USP7: variants seen among roughly 807,000 people sequenced by gnomAD.
USP7 encodes ubiquitin specific peptidase 7, also known as ubiquitin C-terminal hydrolase 7.
Under a neutral mutation model 162.9 loss-of-function variants are expected in USP7, and 9 were observed. The observed-to-expected ratio is 0.06, with a 90% confidence interval of 0.03 to 0.10. The LOEUF (loss-of-function observed/expected upper bound fraction) is 0.10. Among genes scored for constraint, USP7 ranks in the 10% least tolerant of loss-of-function variants. USP7 has a pLI of 1.00. For missense variants in USP7, 715 were observed against 1,373.7 expected (o/e 0.52, Z 7.58); for synonymous variants, 562 against 475.9 (o/e 1.18, Z -2.35).
chr16:8,905,447 A>C, intron 13 of USP7, 116 bp from the exon 14 acceptor site: 6 of 1,299,870 alleles, frequency 4.6e-6, no homozygotes, highest in Non-Finnish European at 6.5e-6. Flanking sequence ...TAGTTGAAAA[A>C]ATATCCATGT....
chr16:8,949,979 G>C (rs1899475916), intron 1 of USP7, among the ~76,000 whole-genome samples: 1 of 152,244 alleles, frequency 6.6e-6, no homozygotes, highest in African/African-American at 2.4e-5. Flanking sequence ...CACAGGCTCT[G>C]TCTAAACAGC....
rs914745296 is a variant in USP7 at position 8,899,041 on chromosome 16, A to T, written c.2531+80T>A. On this transcript the variant is annotated intron_variant, in intron 23 of 30. Coordinates refer to ENST00000344836, the MANE Select transcript of USP7 (RefSeq NM_003470.3). ...CAGGTGAAATGGCGAGCTAATTATTAAAATTAGTTCCAAGATGTTTCAATG... is the reference window on the plus strand; with the variant it reads ...CAGGTGAAATGGCGAGCTAATTATTTAAATTAGTTCCAAGATGTTTCAATG... 4.4e-5 allele frequency: 64 copies of T among 1,465,530 alleles called. No homozygotes were observed. In the Admixed American group the frequency reaches 5.4e-4, roughly 12 times the overall value. The allele number at this position is 1,465,530 out of a possible 1,614,324, so 90.8% of individuals were successfully genotyped here.
intron 11 of USP7, among the ~76,000 whole-genome samples, 158 bp from the exon 12 acceptor site, chr16:8,908,608 T>C (rs562399169): frequency 6.6e-6 from 1 of 152,358 alleles, no homozygotes; most frequent in East Asian, 1.9e-4. Flanking sequence ...TTGAAATGTT[T>C]TCTTTAGGTC....
At chr16:8,960,485 A>G (rs889949929) in intron 1 of USP7, among the ~76,000 whole-genome samples, 1 of 152,222 alleles carries the variant, frequency 6.6e-6, no homozygotes, top group Non-Finnish European at 1.5e-5. Flanking sequence ...CTATTGATAG[A>G]GACAAAACAA....
At chr16:8,962,969 C>A in intron 1 of USP7, 1 of 227,944 alleles carries the variant, frequency 4.4e-6, no homozygotes, top group Non-Finnish European at 8.4e-6. Flanking sequence ...GCCGCGGAGG[C>A]CCGGCGGACG....
chr16:8,942,159 G>A (rs895687237), intron 1 of USP7, among the ~76,000 whole-genome samples: 1 of 152,254 alleles, frequency 6.6e-6, no homozygotes, highest in Non-Finnish European at 1.5e-5. Flanking sequence ...GGGCCTTGAA[G>A]GCCACGATAA....
chr16:8,898,699 T>C, intron 23 of USP7, 60 bp from the exon 24 acceptor site: 2 of 1,381,868 alleles, frequency 1.4e-6, no homozygotes, highest in Non-Finnish European at 2.0e-6. Flanking sequence ...AACAAATATC[T>C]GTGAGTGAGC....
chr16:8,940,635 A>G (rs1898998693), intron 1 of USP7, among the ~76,000 whole-genome samples: 1 of 152,122 alleles, frequency 6.6e-6, no homozygotes, highest in Non-Finnish European at 1.5e-5. Flanking sequence ...GGCAGCCAAA[A>G]AAGACGGAGT....
At chr16:8,930,752 T>A (rs993262384) in intron 1 of USP7, among the ~76,000 whole-genome samples, 1 of 152,190 alleles carries the variant, frequency 6.6e-6, no homozygotes, top group Non-Finnish European at 1.5e-5. Flanking sequence ...ACAGATCACC[T>A]GAGGCCAGGA....
chr16:8,928,484 A>G (rs1045180114), intron 2 of USP7, among the ~76,000 whole-genome samples: 4 of 152,194 alleles, frequency 2.6e-5, no homozygotes, highest in Non-Finnish European at 4.4e-5. Context: ...CACATATCCA[A>G]CTTCCTAGAA....
chr16:8,922,480 C>T (rs977868863), intron 3 of USP7, among the ~76,000 whole-genome samples: 3 of 152,178 alleles, frequency 2.0e-5, no homozygotes, highest in African/African-American at 4.8e-5. Flanking sequence ...GAGTGAGACT[C>T]TGTAAATTTT....
intron 1 of USP7, among the ~76,000 whole-genome samples, chr16:8,937,402 C>T (rs921013785): frequency 2.6e-5 from 4 of 152,126 alleles, no homozygotes; most frequent in African/African-American, 7.2e-5. Flanking sequence ...ATTAGCCAGA[C>T]GTGGTGGCGC....
At chr16:8,939,968 C>G (rs1356534974) in intron 1 of USP7, among the ~76,000 whole-genome samples, 2 of 152,140 alleles carry the variant, frequency 1.3e-5, no homozygotes, top group Non-Finnish European at 2.9e-5. Context: ...CATGGTGGCA[C>G]ATGCCTGTAA....
At chr16:8,905,045 A>T in intron 14 of USP7, 142 bp downstream of exon 14, 1 of 988,764 alleles carries the variant, frequency 1.0e-6, no homozygotes, top group Admixed American at 2.1e-5. Flanking sequence ...GCGCAAGCCC[A>T]ACCCTGCTCA....
Position 8,961,973 on chromosome 16 carries a change from T to C in USP7, c.79+1234A>G, listed in dbSNP as rs149737412. Among the ~76,000 whole-genome samples, 278 of 152,318 alleles carry C rather than the reference T, an allele frequency of 1.8e-3. 2 individuals are homozygous for C. The highest frequency in any genetic ancestry group is 6.5e-3 in the African/African-American group (270 of 41,576). ...TGCCTACTGCAGAATCCCAGCCACTTTGTCATTTGCAACCTGGCCAGCCAT... is the reference window on the plus strand; with the variant it reads ...TGCCTACTGCAGAATCCCAGCCACTCTGTCATTTGCAACCTGGCCAGCCAT... On this transcript the variant is annotated intron_variant, in intron 1 of 30. Coordinates refer to ENST00000344836, the MANE Select transcript of USP7 (RefSeq NM_003470.3).
intron 1 of USP7, among the ~76,000 whole-genome samples, chr16:8,941,894 G>A (rs943753797): frequency 4.6e-5 from 7 of 152,212 alleles, no homozygotes; most frequent in East Asian, 3.9e-4. Flanking sequence ...ACTAGGAAGT[G>A]GGAGGCAAGT....
At chr16:8,942,946 A>G (rs979022385) in intron 1 of USP7, among the ~76,000 whole-genome samples, 1 of 152,172 alleles carries the variant, frequency 6.6e-6, no homozygotes, top group African/African-American at 2.4e-5. Context: ...CTACTAAGCT[A>G]GGTTGCCTTC....
intron 13 of USP7, 23 bp downstream of exon 13, chr16:8,906,403 C>G: frequency 6.2e-7 from 1 of 1,602,242 alleles, no homozygotes; most frequent in South Asian, 1.1e-5. Flanking sequence ...AGCTTGCATT[C>G]AGCCCTGGGT....
intron 23 of USP7, 31 bp downstream of exon 23, chr16:8,899,090 G>A (rs905531730): frequency 1.2e-6 from 2 of 1,610,844 alleles, no homozygotes; most frequent in Non-Finnish European, 1.7e-6. Flanking sequence ...ATGCAGTCAA[G>A]ACCAAGCAAG....
Sources: allele counts gnomAD v4.1 joint callset (sites outside exome capture counted in the v4.1 genomes callset), GRCh38; gene constraint gnomAD v4.1.1; transcripts MANE v1.5; gene names NCBI Gene and HGNC (gene_info 2026-07-23, HGNC 2026-07-21).